The following TBC1D8B variants were observed in gnomAD, a reference collection of about 807,000 sequenced individuals.
TBC1D8B encodes TBC1 domain family member 8B.
TBC1D8B carries 75 observed loss-of-function variants against 82.9 expected under a neutral mutation model. That is an observed-to-expected ratio of 0.90 (90% CI 0.75 to 1.10). The LOEUF is 1.10. Among genes scored for constraint, TBC1D8B ranks in the 50% least tolerant of loss-of-function variants. TBC1D8B has a pLI of 0.00. For synonymous variants in TBC1D8B, 276 were observed against 276.8 expected, an observed-to-expected ratio of 1.00 and a Z score of 0.03; for missense variants, 794 against 796.9, an observed-to-expected ratio of 1.00 and a Z score of 0.04.
intron 20 of TBC1D8B, among the ~76,000 whole-genome samples, chrX:106,873,254 C>T (rs928543817): frequency 3.6e-5 from 4 of 111,075 alleles, no homozygotes; most frequent in Admixed American, 2.9e-4. Context: ...CCTGCCACCA[C>T]GCCCAGCTAA....
At chrX:106,863,190 A>G (rs1932791387) in intron 14 of TBC1D8B, among the ~76,000 whole-genome samples, 2 of 111,843 alleles carry the variant, frequency 1.8e-5, no homozygotes, top group African/African-American at 6.5e-5. Context: ...CAGGTGGTGT[A>G]TACTGGCAGA....
intron 14 of TBC1D8B, among the ~76,000 whole-genome samples, chrX:106,859,535 T>C (rs968942150): frequency 8.9e-6 from 1 of 111,875 alleles, no homozygotes; most frequent in Non-Finnish European, 1.9e-5. Context: ...ATAGAAATGC[T>C]ACTGATTTTT....
intron 7 of TBC1D8B, chrX:106,827,892 A>G (rs1170085306): frequency 2.7e-5 from 3 of 111,369 alleles, no homozygotes; most frequent in Non-Finnish European, 5.7e-5. Flanking sequence ...TAGAAAAGCA[A>G]GAGCAAACAC....
At chrX:106,808,214 G>C (rs963979183) in intron 1 of TBC1D8B, among the ~76,000 whole-genome samples, 40 of 111,133 alleles carry the variant, frequency 3.6e-4, no homozygotes, top group Non-Finnish European at 7.0e-4. Context: ...TCTCTATTCA[G>C]CTATAATTAT....
At chrX:106,825,500 A>G (rs917999248) in intron 5 of TBC1D8B, among the ~76,000 whole-genome samples, 5 of 111,974 alleles carry the variant, frequency 4.5e-5, no homozygotes, top group Non-Finnish European at 7.5e-5. Flanking sequence ...TTATTTTATC[A>G]TACTTCTACT....
chrX:106,846,926 C>T (rs1602427557), intron 10 of TBC1D8B, among the ~76,000 whole-genome samples: 3 of 112,004 alleles, frequency 2.7e-5, no homozygotes, highest in African/African-American at 9.7e-5. Flanking sequence ...ACTATCAAAT[C>T]AATAAAGATG....
intron 1 of TBC1D8B, among the ~76,000 whole-genome samples, chrX:106,813,700 T>C (rs1158110532): frequency 1.8e-5 from 2 of 112,132 alleles, no homozygotes; most frequent in African/African-American, 6.5e-5. Context: ...TTATGTTTAT[T>C]TATATACACA....
Position 106,840,665 on chromosome X carries a change from C to T in TBC1D8B, c.1505-5C>T. Reference sequence around the variant, plus strand: ...TGTTGTATGTTAATGTAATAATCTTCACAGGTGCTGTTAATGACATGGCTA... The same window carrying T: ...TGTTGTATGTTAATGTAATAATCTTTACAGGTGCTGTTAATGACATGGCTA... On this transcript the variant is annotated splice_polypyrimidine_tract_variant and splice_region_variant and intron_variant, in intron 9 of 20. Transcript: ENST00000357242. 1 of 1,201,449 alleles carries T rather than the reference C, an allele frequency of 8.3e-7. No homozygotes were observed. Among genetic ancestry groups the T allele is most frequent in the South Asian group, 1.8e-5 (1 of 56,513 alleles).
At chrX:106,833,778 T>C (rs750720264) in intron 7 of TBC1D8B, among the ~76,000 whole-genome samples, 6 of 111,078 alleles carry the variant, frequency 5.4e-5, no homozygotes, top group Non-Finnish European at 1.1e-4. Context: ...CTGGGATACT[T>C]TTCCTGTAGT....
intron 14 of TBC1D8B, among the ~76,000 whole-genome samples, chrX:106,861,624 G>C (rs1932775904): frequency 9.0e-6 from 1 of 111,643 alleles, no homozygotes; most frequent in Non-Finnish European, 1.9e-5. Context: ...GTCATTGCAT[G>C]TGAGATAGGT....
At chrX:106,848,894 C>T (rs1018626438) in intron 11 of TBC1D8B, among the ~76,000 whole-genome samples, 5 of 109,163 alleles carry the variant, frequency 4.6e-5, no homozygotes, top group Admixed American at 9.9e-5. Context: ...CTCAGCCTCC[C>T]GAGTAGCTGG....
At chrX:106,842,617 ATC>A (rs1447660776) in intron 10 of TBC1D8B, among the ~76,000 whole-genome samples, 4 of 95,037 alleles carry the variant, frequency 4.2e-5, no homozygotes, top group African/African-American at 2.2e-4. Context: ...CTATCTATCT[ATC>A]TATCTATCTA....
chrX:106,840,931 T>C (rs772394424), intron 10 of TBC1D8B, 47 bp downstream of exon 10: 5 of 1,087,833 alleles, frequency 4.6e-6, no homozygotes, highest in Non-Finnish European at 6.3e-6. Flanking sequence ...CCAAATAAAA[T>C]CACATCAAAT....
Position 106,850,011 on chromosome X carries a change from T to A in TBC1D8B, c.1838-14T>A, listed in dbSNP as rs1254214993. ...AAAAATGTTTATTTTTAAACTTCTT[T>A]TGATATTCTGTAGGTGCCTTGGTGG... is the stretch of plus-strand genomic sequence containing the variant. On this transcript the variant is annotated splice_polypyrimidine_tract_variant and intron_variant, in intron 11 of 20. Transcript: ENST00000357242. 2.6e-6 allele frequency: 3 copies of A among 1,159,857 alleles called. No homozygotes were observed. Among genetic ancestry groups the A allele is most frequent in the Non-Finnish European group, 3.4e-6 (3 of 874,067 alleles).
At chrX:106,864,238 G>C (rs1247019637) in intron 14 of TBC1D8B, among the ~76,000 whole-genome samples, 1 of 111,044 alleles carries the variant, frequency 9.0e-6, no homozygotes, top group Non-Finnish European at 1.9e-5. Context: ...CCCACTCCCA[G>C]CCTTACACAG....
intron 12 of TBC1D8B, 87 bp from the exon 13 acceptor site, chrX:106,853,434 A>G: frequency 2.1e-6 from 2 of 972,713 alleles, no homozygotes; most frequent in Non-Finnish European, 2.9e-6. Flanking sequence ...AGTAACCTCT[A>G]ACTAACTAGG....
intron 7 of TBC1D8B, among the ~76,000 whole-genome samples, chrX:106,830,743 T>A (rs375073300): frequency 2.2e-5 from 2 of 91,511 alleles, no homozygotes; most frequent in Admixed American, 1.4e-4. Context: ...GGAATTGAAC[T>A]ATGAGAACAC....
chrX:106,819,810 G>A (rs921004881), intron 2 of TBC1D8B, among the ~76,000 whole-genome samples: 8 of 110,428 alleles, frequency 7.2e-5, no homozygotes, highest in African/African-American at 2.6e-4. Flanking sequence ...TTAAAAAAAG[G>A]CCTTTCTACT....
At chrX:106,870,674 G>A in intron 19 of TBC1D8B, 42 bp from the exon 20 acceptor site, 1 of 887,039 alleles carries the variant, frequency 1.1e-6, no homozygotes, top group Non-Finnish European at 1.6e-6. Flanking sequence ...GGAAAGTATA[G>A]TGGGCTGTTC....
Sources: allele counts gnomAD v4.1 joint callset (sites outside exome capture counted in the v4.1 genomes callset), GRCh38; gene constraint gnomAD v4.1.1; transcripts MANE v1.5; gene names NCBI Gene and HGNC (gene_info 2026-07-23, HGNC 2026-07-21).